SLC44A5: variants seen among roughly 807,000 people sequenced by gnomAD.
SLC44A5 encodes solute carrier family 44 member 5.
A neutral mutation model predicts 101.8 loss-of-function variants in SLC44A5; 57 were observed. That is an observed-to-expected ratio of 0.56 (90% CI 0.45 to 0.70). SLC44A5 has a LOEUF of 0.70. Among genes scored for constraint, SLC44A5 ranks in the 30% least tolerant of loss-of-function variants. The pLI, the probability that SLC44A5 is intolerant of heterozygous loss-of-function variation, is 0.00. For synonymous variants in SLC44A5, 281 were observed against 290.9 expected, an observed-to-expected ratio of 0.97 and a Z score of 0.35; for missense variants, 737 against 853.1, an observed-to-expected ratio of 0.86 and a Z score of 1.70.
chr1:75,293,597 T>G (rs996187606), intron 5 of SLC44A5, among the ~76,000 whole-genome samples: 6 of 152,208 alleles, frequency 3.9e-5, no homozygotes, highest in African/African-American at 1.4e-4. Flanking sequence ...ATAGGACACA[T>G]GATACCAAAT....
chr1:75,722,436 G>T, the SLC44A5 span, among the ~76,000 whole-genome samples: 12 of 152,310 alleles, frequency 7.9e-5, no homozygotes, highest in Admixed American at 1.3e-4. Flanking sequence ...GCAGCAAACT[G>T]TTTCTCATAA....
At chr1:75,490,547 T>C (rs562065870) in intron 2 of SLC44A5, among the ~76,000 whole-genome samples, 207 of 152,324 alleles carry the variant, frequency 1.4e-3, no homozygotes, top group African/African-American at 4.7e-3. Context: ...ACATTATTGA[T>C]CAATATCTGA....
intron 3 of SLC44A5, among the ~76,000 whole-genome samples, chr1:75,374,702 C>A (rs1389871294): frequency 6.6e-6 from 1 of 152,084 alleles, no homozygotes; most frequent in Non-Finnish European, 1.5e-5. Context: ...AAAAATACAT[C>A]CCTTCAGCGC....
upstream of SLC44A5, chr1:75,616,007 T>C (rs1675863588): frequency 2.0e-6 from 1 of 507,136 alleles, no homozygotes; most frequent in Non-Finnish European, 2.6e-6. Flanking sequence ...TGATGGCATC[T>C]GCGAGCAGCA....
intron 4 of SLC44A5, among the ~76,000 whole-genome samples, chr1:75,318,994 T>C (rs1469420666): frequency 6.6e-6 from 1 of 152,058 alleles, no homozygotes; most frequent in Non-Finnish European, 1.5e-5. Flanking sequence ...CCTTTCTGGA[T>C]CTGCAAATAT....
chr1:75,566,290 A>G (rs1231393184), intron 1 of SLC44A5, among the ~76,000 whole-genome samples: 1 of 152,230 alleles, frequency 6.6e-6, no homozygotes, highest in African/African-American at 2.4e-5. Context: ...AAATTCTATG[A>G]GATTTAGAAA....
chr1:75,434,645 G>A (rs1664787450), intron 2 of SLC44A5, among the ~76,000 whole-genome samples: 2 of 152,000 alleles, frequency 1.3e-5, no homozygotes. Flanking sequence ...CTGTGGCCGG[G>A]TCCTAACCTA....
chr1:75,611,972 T>C (rs868573587), upstream of SLC44A5, among the ~76,000 whole-genome samples: 1 of 152,144 alleles, frequency 6.6e-6, no homozygotes, highest in South Asian at 2.1e-4. Flanking sequence ...TTCCTAAGAC[T>C]TACTTGCATT....
intron 2 of SLC44A5, among the ~76,000 whole-genome samples, chr1:75,501,306 C>A (rs1315203602): frequency 6.6e-6 from 1 of 152,188 alleles, no homozygotes; most frequent in African/African-American, 2.4e-5. Context: ...CCTCCTATAT[C>A]TTGATTCCTC....
At chr1:75,561,572 T>C (rs1048443123) in intron 1 of SLC44A5, among the ~76,000 whole-genome samples, 5 of 152,142 alleles carry the variant, frequency 3.3e-5, no homozygotes, top group Non-Finnish European at 7.4e-5. Flanking sequence ...ACTGAATGCA[T>C]TTAACATTTA....
At chr1:75,703,976 C>T in the SLC44A5 span, among the ~76,000 whole-genome samples, 4 of 152,038 alleles carry the variant, frequency 2.6e-5, no homozygotes, top group African/African-American at 9.7e-5. Context: ...TTGCTTGAGC[C>T]CAGGAGTTCA....
chr1:75,613,288 A>C (rs1399863303), upstream of SLC44A5, among the ~76,000 whole-genome samples: 1 of 152,202 alleles, frequency 6.6e-6, no homozygotes, highest in Non-Finnish European at 1.5e-5. Context: ...CCTGCCAATA[A>C]AGCCTAGAAA....
At chr1:75,425,114 A>G (rs1664233056) in intron 2 of SLC44A5, among the ~76,000 whole-genome samples, 1 of 152,214 alleles carries the variant, frequency 6.6e-6, no homozygotes, top group Non-Finnish European at 1.5e-5. Flanking sequence ...AGTTGTTCAA[A>G]AGTTAACACT....
At chr1:75,718,812 G>C in the SLC44A5 span, among the ~76,000 whole-genome samples, 1 of 152,182 alleles carries the variant, frequency 6.6e-6, no homozygotes, top group Non-Finnish European at 1.5e-5. Context: ...GATTGAAGAA[G>C]AGTCAAGAAA....
intron 2 of SLC44A5, among the ~76,000 whole-genome samples, chr1:75,479,822 A>G (rs1282418229): frequency 5.9e-5 from 9 of 152,260 alleles, no homozygotes; most frequent in Admixed American, 5.2e-4. Flanking sequence ...TACCAGAGGT[A>G]CAAGGAGGAA....
intron 3 of SLC44A5, among the ~76,000 whole-genome samples, chr1:75,359,030 ACT>A (rs1313104576): frequency 1.4e-4 from 21 of 150,486 alleles, no homozygotes; most frequent in Admixed American, 1.4e-3. Context: ...CTACCATTCT[ACT>A]CTCTCTTTTA....
At chr1:75,681,312 A>C in the SLC44A5 span, among the ~76,000 whole-genome samples, 3 of 152,192 alleles carry the variant, frequency 2.0e-5, no homozygotes, top group African/African-American at 7.2e-5. Flanking sequence ...CAAAAAAGAG[A>C]ATTTTAGACC....
chr1:75,550,570 T>TA lies in SLC44A5; in HGVS notation c.-69-9055dup, dbSNP rs111371849. 1.0e-3 allele frequency among the ~76,000 whole-genome samples: 152 copies of TA among 147,292 alleles called. No individual in the cohort carries two copies. The Middle Eastern group carries it at 0.01, about 10-fold the overall frequency. ...TTACATTATGAAAATTTTACCTTAA[T>TA]AAAAAAAAAAGATCATTATTTGAAC... is the stretch of plus-strand genomic sequence containing the variant. On this transcript the variant is annotated intron_variant, in intron 1 of 23. Coordinates refer to ENST00000370859, the MANE Select transcript of SLC44A5 (RefSeq NM_001130058.2).
At chr1:75,351,176 T>C (rs1658625955) in intron 3 of SLC44A5, among the ~76,000 whole-genome samples, 2 of 151,902 alleles carry the variant, frequency 1.3e-5, no homozygotes, top group South Asian at 4.2e-4. Flanking sequence ...ACAATTTTAG[T>C]TACATGCACT....
Sources: gnomAD v4.1 joint callset for allele counts (sites outside exome capture counted in the v4.1 genomes callset) on GRCh38, gnomAD v4.1.1 for gene constraint, MANE v1.5 for transcripts, NCBI Gene and HGNC (gene_info 2026-07-23, HGNC 2026-07-21) for gene names.